Variants in LRRC37A2 observed in about 807,000 individuals in gnomAD.
The protein encoded by LRRC37A2 is leucine-rich repeat-containing protein 37A2.
Under a neutral mutation model 68.8 loss-of-function variants are expected in LRRC37A2, and 9 were observed. That is an observed-to-expected ratio of 0.13 (90% CI 0.08 to 0.23). The LOEUF is 0.23. LRRC37A2 is among the 10% of genes least tolerant of loss of function. The pLI is 1.00. For missense variants in LRRC37A2, 168 were observed against 950.4 expected, an observed-to-expected ratio of 0.18 and a Z score of 10.82; for synonymous variants, 63 against 367.6, an observed-to-expected ratio of 0.17 and a Z score of 9.48.
At chr17:46,889,305 C>T in the LRRC37A2 span, among the ~76,000 whole-genome samples, 2 of 152,212 alleles carry the variant, frequency 1.3e-5, no homozygotes, top group Non-Finnish European at 2.9e-5. Context: ...ACTGCCTTAG[C>T]CAGGCAGGAA....
At chr17:46,854,378 A>G in the LRRC37A2 span, among the ~76,000 whole-genome samples, 6 of 152,194 alleles carry the variant, frequency 3.9e-5, no homozygotes, top group African/African-American at 7.2e-5. Flanking sequence ...TCCTGATAAG[A>G]GAATATGCAA....
At chr17:46,998,440 A>G in the LRRC37A2 span, among the ~76,000 whole-genome samples, 1 of 152,208 alleles carries the variant, frequency 6.6e-6, no homozygotes, top group African/African-American at 2.4e-5. Context: ...ACGTGCAGCC[A>G]TGGATCCTTT....
chr17:47,029,710 C>T, the LRRC37A2 span, among the ~76,000 whole-genome samples: 1 of 152,168 alleles, frequency 6.6e-6, no homozygotes, highest in Admixed American at 6.5e-5. Flanking sequence ...GTTTAGGTAG[C>T]ATCAATACAA....
At chr17:46,494,769 CA>C in the LRRC37A2 span, among the ~76,000 whole-genome samples, 8 of 151,114 alleles carry the variant, frequency 5.3e-5, 1 homozygote, top group African/African-American at 1.7e-4. Context: ...GTGTAATGAT[CA>C]AATCAGGTTA....
At chr17:46,798,181 G>A in the LRRC37A2 span, among the ~76,000 whole-genome samples, 160 of 152,260 alleles carry the variant, frequency 1.1e-3, 1 homozygote, top group Middle Eastern at 6.8e-3. Context: ...CTCCCGCCTC[G>A]GCCTCCCGAA....
chr17:46,876,225 C>T, the LRRC37A2 span: 8 of 1,583,980 alleles, frequency 5.1e-6, no homozygotes, highest in Admixed American at 1.0e-4. Context: ...GACCACGCCT[C>T]TGTTCTGCCT....
chr17:46,759,120 C>T, the LRRC37A2 span, among the ~76,000 whole-genome samples: 1 of 152,166 alleles, frequency 6.6e-6, no homozygotes, highest in East Asian at 1.9e-4. Context: ...AGGAGAATTG[C>T]TTGAACCTGG....
chr17:46,811,225 G>A, the LRRC37A2 span, among the ~76,000 whole-genome samples: 6 of 125,888 alleles, frequency 4.8e-5, 1 homozygote, highest in African/African-American at 1.6e-4. Context: ...TCACGGCTGC[G>A]ATGCAGGGAA....
At chr17:46,905,972 A>G in the LRRC37A2 span, among the ~76,000 whole-genome samples, 2 of 152,144 alleles carry the variant, frequency 1.3e-5, no homozygotes, top group African/African-American at 2.4e-5. Flanking sequence ...ATCTGGGAGG[A>G]ACGGGCAGGG....
chr17:46,401,695 TGAA>T, the LRRC37A2 span, among the ~76,000 whole-genome samples: 1 of 34,524 alleles, frequency 2.9e-5, no homozygotes, highest in South Asian at 1.1e-3. Context: ...CATTTGATCA[TGAA>T]TCTCATAAGT....
At chr17:46,920,325 A>G in the LRRC37A2 span, among the ~76,000 whole-genome samples, 5 of 152,316 alleles carry the variant, frequency 3.3e-5, no homozygotes, top group South Asian at 1.0e-3. Context: ...TAGTTCTCCC[A>G]ACAGACCATG....
At chr17:46,925,734 G>A in the LRRC37A2 span, among the ~76,000 whole-genome samples, 1 of 152,114 alleles carries the variant, frequency 6.6e-6, no homozygotes, top group Non-Finnish European at 1.5e-5. Context: ...CTGGAACTTT[G>A]AACCCAGTTT....
At chr17:46,902,803 C>A in the LRRC37A2 span, among the ~76,000 whole-genome samples, 1 of 152,150 alleles carries the variant, frequency 6.6e-6, no homozygotes, top group Non-Finnish European at 1.5e-5. Context: ...ATCAGATACC[C>A]GTTCTCCCCT....
the LRRC37A2 span, among the ~76,000 whole-genome samples, chr17:46,858,056 A>G: frequency 2.0e-5 from 3 of 152,146 alleles, no homozygotes; most frequent in African/African-American, 4.8e-5. Flanking sequence ...CAGCCTCCCA[A>G]GTAGCTGGGA....
the LRRC37A2 span, among the ~76,000 whole-genome samples, chr17:46,716,554 G>T: frequency 1.2e-4 from 18 of 152,122 alleles, no homozygotes; most frequent in Admixed American, 4.6e-4. Flanking sequence ...ACCGCGCCCG[G>T]CCTGCACCTC....
At chr17:47,017,774 C>T in the LRRC37A2 span, 1 of 1,610,430 alleles carries the variant, frequency 6.2e-7, no homozygotes, top group Non-Finnish European at 8.5e-7. Flanking sequence ...ATCCCGGTAG[C>T]CTGCCTCCAG....
the LRRC37A2 span, among the ~76,000 whole-genome samples, chr17:46,848,914 C>A: frequency 6.7e-6 from 1 of 148,278 alleles, no homozygotes; most frequent in Admixed American, 6.8e-5. Flanking sequence ...GAGCCAGGCC[C>A]GGCACATGTG....
At chr17:46,938,806 T>G in the LRRC37A2 span, 1 of 1,551,040 alleles carries the variant, frequency 6.4e-7, no homozygotes, top group South Asian at 1.1e-5. Flanking sequence ...AGCCTGCAAG[T>G]GTGTGTGTGT....
the LRRC37A2 span, chr17:46,713,755 C>A: frequency 8.9e-7 from 1 of 1,121,486 alleles, no homozygotes; most frequent in South Asian, 1.5e-5. Context: ...AGCAACTAGT[C>A]GAGACCTCAG....
Sources: gnomAD v4.1 joint callset for allele counts (sites outside exome capture counted in the v4.1 genomes callset) on GRCh38, gnomAD v4.1.1 for gene constraint, MANE v1.5 for transcripts, NCBI Gene and HGNC (gene_info 2026-07-23, HGNC 2026-07-21) for gene names.